Variants in SCGB2B2 observed in about 807,000 individuals in gnomAD.
SCGB2B2 encodes secretoglobin family 2B member 2.
SCGB2B2 carries 11 observed loss-of-function variants against 7.6 expected under a neutral mutation model. The observed-to-expected ratio is 1.45, with a 90% confidence interval of 0.91 to 2.40. SCGB2B2 has a LOEUF of 2.40. Among genes scored for constraint, SCGB2B2 ranks in the 30% most tolerant of loss-of-function variants. The pLI is 0.00. For synonymous variants in SCGB2B2, 50 were observed against 48.6 expected, an observed-to-expected ratio of 1.03 and a Z score of -0.12; for missense variants, 104 against 115.4, an observed-to-expected ratio of 0.90 and a Z score of 0.45.
intron 1 of SCGB2B2, among the ~76,000 whole-genome samples, chr19:34,604,908 T>C (rs1047240881): frequency 6.0e-5 from 9 of 150,980 alleles, no homozygotes; most frequent in African/African-American, 2.2e-4. Context: ...ATATCTAAAA[T>C]GTACAACTTG....
chr19:34,601,212 G>A (rs2065614148), intron 1 of SCGB2B2, among the ~76,000 whole-genome samples: 1 of 152,172 alleles, frequency 6.6e-6, no homozygotes, highest in Middle Eastern at 3.2e-3. Flanking sequence ...GCCGTAGTTT[G>A]CTTCTGAGTT....
At chr19:34,659,863 G>A (rs2067401708) in intron 1 of SCGB2B2, among the ~76,000 whole-genome samples, 1 of 152,152 alleles carries the variant, frequency 6.6e-6, no homozygotes, top group Non-Finnish European at 1.5e-5. Flanking sequence ...AAAGATGGAG[G>A]CATCATGCTA....
intron 3 of SCGB2B2, 72 bp downstream of exon 3, chr19:34,594,103 G>T: frequency 8.2e-7 from 1 of 1,223,618 alleles, no homozygotes. Flanking sequence ...AGGATGGAAG[G>T]CAAGTGCAGG....
chr19:34,649,746 C>T (rs969680302), intron 1 of SCGB2B2, among the ~76,000 whole-genome samples: 4 of 151,458 alleles, frequency 2.6e-5, no homozygotes, highest in Non-Finnish European at 5.9e-5. Context: ...CTCCGCTACT[C>T]GGGAGGCTGA....
chr19:34,670,221 A>G (rs146861843), intron 1 of SCGB2B2, among the ~76,000 whole-genome samples: 7 of 152,348 alleles, frequency 4.6e-5, no homozygotes, highest in African/African-American at 1.7e-4. Context: ...CTCCAGAGCC[A>G]GCAAACTTTA....
chr19:34,609,331 T>C (rs907429194), intron 1 of SCGB2B2, among the ~76,000 whole-genome samples: 1 of 152,014 alleles, frequency 6.6e-6, no homozygotes, highest in African/African-American at 2.4e-5. Flanking sequence ...TAGTTTGTTA[T>C]AGTCCTGTTT....
intron 1 of SCGB2B2, among the ~76,000 whole-genome samples, chr19:34,643,906 GA>G (rs945138745): frequency 1.8e-4 from 26 of 142,184 alleles, no homozygotes; most frequent in Middle Eastern, 3.6e-3. Context: ...AAGTTAAGCA[GA>G]AAAAAAAAAG....
chr19:34,624,834 A>G (rs1471535435), intron 1 of SCGB2B2, among the ~76,000 whole-genome samples: 1 of 152,214 alleles, frequency 6.6e-6, no homozygotes, highest in Non-Finnish European at 1.5e-5. Flanking sequence ...AGTCCTCTCC[A>G]TCAAGCCTGT....
intron 1 of SCGB2B2, among the ~76,000 whole-genome samples, chr19:34,608,245 T>G (rs1172422380): frequency 6.6e-6 from 1 of 152,132 alleles, no homozygotes; most frequent in Non-Finnish European, 1.5e-5. Context: ...CTTCTTATTT[T>G]CTTTTTTGGA....
intron 1 of SCGB2B2, among the ~76,000 whole-genome samples, chr19:34,626,058 C>T (rs896473156): frequency 2.6e-5 from 4 of 152,294 alleles, no homozygotes; most frequent in African/African-American, 9.6e-5. Context: ...AGCTGAGGGT[C>T]CTGACTGTTA....
chr19:34,593,656 C>T, intron 3 of SCGB2B2, 57 bp from the exon 4 acceptor site: 1 of 1,432,500 alleles, frequency 7.0e-7, no homozygotes, highest in Non-Finnish European at 9.6e-7. Context: ...GCTCCCCAGA[C>T]TCATCGTTAT....
intron 1 of SCGB2B2, among the ~76,000 whole-genome samples, chr19:34,619,710 C>T (rs1171598749): frequency 6.6e-6 from 1 of 152,148 alleles, no homozygotes; most frequent in African/African-American, 2.4e-5. Context: ...GAACCCAGGC[C>T]ACCAGCATGA....
intron 1 of SCGB2B2, among the ~76,000 whole-genome samples, chr19:34,603,794 A>AATTT (rs2065698240): frequency 1.3e-5 from 1 of 75,414 alleles, no homozygotes; most frequent in Non-Finnish European, 3.0e-5. Flanking sequence ...ATGTTTTATT[A>AATTT]CTTTTTTTTT....
chr19:34,618,412 G>GT, intron 1 of SCGB2B2, among the ~76,000 whole-genome samples: 2 of 152,322 alleles, frequency 1.3e-5, no homozygotes, highest in Middle Eastern at 6.8e-3. Flanking sequence ...TTCTGGCCCT[G>GT]TATCAGTGTG....
At chr19:34,638,006 A>G (rs1252925050) in intron 1 of SCGB2B2, 2 of 152,220 alleles carry the variant, frequency 1.3e-5, no homozygotes, top group Non-Finnish European at 2.9e-5. Flanking sequence ...GCATCCCTGG[A>G]GAAATCCCCA....
chr19:34,632,497 A>C (rs1444941084), intron 1 of SCGB2B2, among the ~76,000 whole-genome samples: 6 of 152,212 alleles, frequency 3.9e-5, no homozygotes, highest in Non-Finnish European at 4.4e-5. Context: ...AGTACACATA[A>C]AAATTGTAAA....
At chr19:34,604,004 G>T (rs1226417000) in intron 1 of SCGB2B2, among the ~76,000 whole-genome samples, 1 of 151,956 alleles carries the variant, frequency 6.6e-6, no homozygotes, top group Non-Finnish European at 1.5e-5. Context: ...TTCATTATTT[G>T]TGTCTTTCCC....
At chr19:34,634,353 C>T (rs959884058) in intron 1 of SCGB2B2, among the ~76,000 whole-genome samples, 45 of 152,148 alleles carry the variant, frequency 3.0e-4, no homozygotes, top group Admixed American at 2.9e-3. Context: ...ACCTAAGGTA[C>T]ACTTGCCAGC....
At chr19:34,642,064 G>T (rs2066858220) in intron 1 of SCGB2B2, among the ~76,000 whole-genome samples, 1 of 152,214 alleles carries the variant, frequency 6.6e-6, no homozygotes, top group Non-Finnish European at 1.5e-5. Context: ...AAGCTGCAGT[G>T]AAGGGAACCC....
Sources: gnomAD v4.1 joint callset for allele counts (sites outside exome capture counted in the v4.1 genomes callset) on GRCh38, gnomAD v4.1.1 for gene constraint, MANE v1.5 for transcripts, NCBI Gene and HGNC (gene_info 2026-07-23, HGNC 2026-07-21) for gene names.